DMD: variants seen among roughly 807,000 people sequenced by gnomAD.
The protein encoded by DMD is mutant dystrophin.
Under a neutral mutation model 330.1 loss-of-function variants are expected in DMD, and 63 were observed. The ratio of observed to expected loss-of-function variants is 0.19; its 90% CI spans 0.16 to 0.24. DMD has a LOEUF of 0.24. Among genes scored for constraint, DMD ranks in the 10% least tolerant of loss-of-function variants. DMD has a pLI of 1.00. For missense variants in DMD, 3,344 were observed against 2,684.1 expected (o/e 1.25, Z -5.43); for synonymous variants, 1,223 against 959.8 (o/e 1.27, Z -5.07).
intron 2 of DMD, among the ~76,000 whole-genome samples, chrX:32,949,020 T>A (rs1272725899): frequency 1.8e-5 from 2 of 111,091 alleles, no homozygotes; most frequent in Non-Finnish European, 3.8e-5. Context: ...TCATTTTTAT[T>A]AGATCATGAT....
chrX:32,120,053 T>C (rs935374064), intron 44 of DMD, among the ~76,000 whole-genome samples: 2 of 112,264 alleles, frequency 1.8e-5, no homozygotes, highest in Non-Finnish European at 3.8e-5. Context: ...TTGATAACTT[T>C]TGATGAATGA....
At chrX:32,588,847 G>T (rs1387309851) in intron 13 of DMD, among the ~76,000 whole-genome samples, 3 of 112,176 alleles carry the variant, frequency 2.7e-5, no homozygotes, top group Non-Finnish European at 5.6e-5. Flanking sequence ...ATGACTCTAG[G>T]TTTCTGGTAC....
intron 60 of DMD, among the ~76,000 whole-genome samples, chrX:31,418,524 C>T (rs2063191958): frequency 8.9e-6 from 1 of 111,964 alleles, no homozygotes; most frequent in African/African-American, 3.2e-5. Flanking sequence ...GATGTATCAT[C>T]AATTTCTTTG....
intron 7 of DMD, among the ~76,000 whole-genome samples, chrX:32,734,693 G>T (rs375858274): frequency 1.8e-5 from 2 of 109,590 alleles, no homozygotes; most frequent in Non-Finnish European, 3.8e-5. Flanking sequence ...ATGCAGAAAA[G>T]GCCTTTGACA....
intron 44 of DMD, among the ~76,000 whole-genome samples, chrX:32,064,077 A>G (rs1033105803): frequency 9.0e-6 from 1 of 111,309 alleles, no homozygotes; most frequent in African/African-American, 3.2e-5. Flanking sequence ...TTCTCAACGA[A>G]TGAATTATCT....
At chrX:32,881,945 C>T (rs371268295) in intron 2 of DMD, among the ~76,000 whole-genome samples, 1 of 112,291 alleles carries the variant, frequency 8.9e-6, no homozygotes, top group Non-Finnish European at 1.9e-5. Context: ...AGGATTTACT[C>T]ATTCACACTA....
intron 44 of DMD, among the ~76,000 whole-genome samples, chrX:31,970,619 C>T (rs1034940396): frequency 8.2e-5 from 9 of 110,411 alleles, no homozygotes; most frequent in African/African-American, 3.0e-4. Context: ...AGTGAGAGTA[C>T]GGCAGAAGTT....
chrX:32,095,897 T>G (rs768494220), intron 44 of DMD, among the ~76,000 whole-genome samples: 52 of 74,981 alleles, frequency 6.9e-4, no homozygotes, highest in African/African-American at 2.8e-3. Flanking sequence ...TCTACTACAG[T>G]TGATTATAAG....
chrX:33,018,612 C>A (rs1204840687), intron 2 of DMD, among the ~76,000 whole-genome samples: 1 of 88,883 alleles, frequency 1.1e-5, no homozygotes, highest in Non-Finnish European at 2.6e-5. Flanking sequence ...AAAAATTACT[C>A]TAGTTCAATT....
intron 57 of DMD, among the ~76,000 whole-genome samples, chrX:31,490,650 C>T (rs1331535521): frequency 8.9e-6 from 1 of 112,383 alleles, no homozygotes; most frequent in Admixed American, 9.4e-5. Flanking sequence ...TGATAGGGAA[C>T]AACGCATTTT....
chrX:32,847,413 T>A (rs1187393769), intron 3 of DMD, among the ~76,000 whole-genome samples: 2 of 112,126 alleles, frequency 1.8e-5, no homozygotes, highest in South Asian at 3.7e-4. Flanking sequence ...CCTGGGGATG[T>A]CCTGAGCCAA....
chrX:33,203,418 T>C (rs754616476), intron 1 of DMD, among the ~76,000 whole-genome samples: 3 of 111,512 alleles, frequency 2.7e-5, no homozygotes, highest in Non-Finnish European at 5.7e-5. Context: ...GAATACGTTA[T>C]ACAATTTAAA....
chrX:31,663,778 AAAC>A (rs745500741), intron 53 of DMD, among the ~76,000 whole-genome samples: 6 of 110,741 alleles, frequency 5.4e-5, no homozygotes, highest in Admixed American at 1.9e-4. Flanking sequence ...TCTCATCTTT[AAAC>A]AACAACAACA....
intron 1 of DMD, among the ~76,000 whole-genome samples, chrX:33,266,342 G>T (rs1037221006): frequency 8.9e-6 from 1 of 111,854 alleles, no homozygotes; most frequent in Non-Finnish European, 1.9e-5. Context: ...GTGCAATGTT[G>T]AAATCAGCAA....
intron 11 of DMD, among the ~76,000 whole-genome samples, chrX:32,617,334 T>C (rs184775636): frequency 1.8e-5 from 2 of 111,724 alleles, no homozygotes; most frequent in East Asian, 2.8e-4. Context: ...AATTCTGCCA[T>C]AGTAACCAAG....
At chrX:32,585,062 G>T (rs1392027169) in intron 13 of DMD, among the ~76,000 whole-genome samples, 1 of 110,970 alleles carries the variant, frequency 9.0e-6, no homozygotes, top group Non-Finnish European at 1.9e-5. Flanking sequence ...TGGAACTGGA[G>T]GTCATTATGT....
Position 31,390,703 on chromosome X carries a change from G to T in DMD, c.9085-42069C>A, listed in dbSNP as rs771743536. The stretch of plus-strand genomic sequence containing the variant: ...CATTGCCGCCATCTTACTCCCAGTA[G>T]TCATTTTCTTTCATCAAGACAACTG... On this transcript the variant is annotated intron_variant, in intron 60 of 78. Coordinates refer to ENST00000357033, the MANE Select transcript of DMD (RefSeq NM_004006.3). 9.9e-5 allele frequency among the ~76,000 whole-genome samples: 11 copies of T among 111,644 alleles called. No individual in the cohort carries two copies. The South Asian group carries it at 4.2e-3, about 43-fold the overall frequency.
chrX:31,907,285 T>A (rs916539539), intron 47 of DMD, among the ~76,000 whole-genome samples: 3 of 111,634 alleles, frequency 2.7e-5, no homozygotes, highest in African/African-American at 9.8e-5. Flanking sequence ...ATCTTAATAC[T>A]CCCTGTTATC....
chrX:31,840,549 CTTT>C (rs1207207240), intron 48 of DMD, among the ~76,000 whole-genome samples: 5 of 76,357 alleles, frequency 6.5e-5, no homozygotes, highest in East Asian at 4.3e-4. Context: ...GCAGATACTG[CTTT>C]TTTTTTTTTT....
Sources: gnomAD v4.1 joint callset for allele counts (sites outside exome capture counted in the v4.1 genomes callset) on GRCh38, gnomAD v4.1.1 for gene constraint, MANE v1.5 for transcripts, NCBI Gene and HGNC (gene_info 2026-07-23, HGNC 2026-07-21) for gene names.